Variants in MAN1C1 observed in about 807,000 individuals in gnomAD.
MAN1C1 encodes the protein mannosyl-oligosaccharide 1,2-alpha-mannosidase IC.
In MAN1C1, 49 loss-of-function variants were observed where a neutral mutation model predicts 71.5. That is an observed-to-expected ratio of 0.69 (90% CI 0.54 to 0.87). The LOEUF (loss-of-function observed/expected upper bound fraction) is 0.87. Ranked by LOEUF, MAN1C1 falls within the 40% of genes least tolerant of loss-of-function variation. The probability of loss-of-function intolerance (pLI) is 0.00; values close to 1 mark genes in which losing one functional copy is unlikely to be tolerated. For synonymous variants in MAN1C1, 352 were observed against 343.7 expected (o/e 1.02, Z -0.27); for missense variants, 743 against 835.0 (o/e 0.89, Z 1.36).
At chr1:25,669,696 C>T (rs2045969485) in intron 1 of MAN1C1, among the ~76,000 whole-genome samples, 1 of 152,180 alleles carries the variant, frequency 6.6e-6, no homozygotes, top group Non-Finnish European at 1.5e-5. Context: ...GAGAGGATCA[C>T]TTAAGCCTAG....
At chr1:25,639,429 A>G (rs75736662) in intron 1 of MAN1C1, among the ~76,000 whole-genome samples, 1,618 of 152,226 alleles carry the variant, frequency 0.011, 17 homozygotes, top group Non-Finnish European at 0.017. Context: ...TATGCTACAC[A>G]TTGTGGATGC....
At chr1:25,709,712 GA>G (rs1400444532) in intron 2 of MAN1C1, 2 of 151,706 alleles carry the variant, frequency 1.3e-5, no homozygotes, top group African/African-American at 4.9e-5. Context: ...CTAGCAGAAG[GA>G]AACTCTATCT....
chr1:25,701,520 G>A (rs913588163), intron 2 of MAN1C1, among the ~76,000 whole-genome samples: 5 of 152,188 alleles, frequency 3.3e-5, no homozygotes, highest in Admixed American at 2.6e-4. Flanking sequence ...TGCCTCCAAC[G>A]CCCACATTCC....
intron 8 of MAN1C1, among the ~76,000 whole-genome samples, chr1:25,774,554 G>A (rs1460852054): frequency 6.6e-6 from 1 of 152,152 alleles, no homozygotes; most frequent in Non-Finnish European, 1.5e-5. Flanking sequence ...TCCTGCAGGC[G>A]GCAAAGGAAG....
intron 1 of MAN1C1, 33 bp downstream of exon 1, chr1:25,618,370 A>G (rs1332652263): frequency 5.1e-6 from 8 of 1,570,164 alleles, no homozygotes; most frequent in African/African-American, 2.8e-5. Flanking sequence ...CCTCCCACCA[A>G]CTGCCCCCTC....
rs74873223 is a variant in MAN1C1, at chr1:25,736,939, C to T, written c.638-9729C>T. 7.4e-4 allele frequency among the ~76,000 whole-genome samples: 112 copies of T among 152,332 alleles called. No homozygotes were observed. The East Asian group carries it at 0.019, about 26-fold the overall frequency. On this transcript the variant is annotated intron_variant, in intron 2 of 11. Coordinates refer to ENST00000374332, the MANE Select transcript of MAN1C1 (RefSeq NM_020379.4). Reference sequence around the variant, plus strand: ...CGGGTCTGTTTGGCTTCAAAGCCCACGCTGTCTTCCCTATCCAGGCCTCGC... The same window carrying T: ...CGGGTCTGTTTGGCTTCAAAGCCCATGCTGTCTTCCCTATCCAGGCCTCGC...
At chr1:25,627,649 T>C (rs1265557032) in intron 1 of MAN1C1, among the ~76,000 whole-genome samples, 5 of 152,180 alleles carry the variant, frequency 3.3e-5, no homozygotes, top group Non-Finnish European at 5.9e-5. Flanking sequence ...CCTCCATCTT[T>C]GATCTTCTTT....
chr1:25,749,310 C>T lies in MAN1C1; in HGVS notation c.809C>T (p.Ser270Leu), dbSNP rs1391357109. 2 of 1,612,086 alleles carry T rather than the reference C, an allele frequency of 1.2e-6. No homozygotes were observed. Among genetic ancestry groups the T allele is most frequent in the African/African-American group, 2.7e-5 (2 of 74,940 alleles). Residue 270 changes from serine to leucine, a missense_variant, in exon 4 of 12, where the codon TCA becomes TTA. Coordinates refer to ENST00000374332, the MANE Select transcript of MAN1C1 (RefSeq NM_020379.4). The part of the protein sequence containing the change: ...VNIRYIGGLL[S>L]AFYLTGEEVF... ...ATCCGCTACATCGGGGGACTCCTCT[C>T]AGCCTTCTACCTGACAGGAGAAGAG... is the stretch of plus-strand genomic sequence containing the variant.
intron 8 of MAN1C1, among the ~76,000 whole-genome samples, chr1:25,777,429 G>A (rs762137814): frequency 1.3e-5 from 2 of 152,134 alleles, no homozygotes; most frequent in Non-Finnish European, 2.9e-5. Flanking sequence ...CCCACCAAAA[G>A]GCATGGCCAT....
intron 1 of MAN1C1, among the ~76,000 whole-genome samples, chr1:25,630,275 A>G (rs777779438): frequency 9.9e-5 from 15 of 152,162 alleles, no homozygotes; most frequent in Non-Finnish European, 2.2e-4. Flanking sequence ...CTTTTATATC[A>G]GTACCATTCT....
chr1:25,668,491 G>C (rs533956032), intron 1 of MAN1C1, among the ~76,000 whole-genome samples: 1 of 152,068 alleles, frequency 6.6e-6, no homozygotes, highest in Non-Finnish European at 1.5e-5. Context: ...GAAAAGAACG[G>C]TTAACATGCA....
intron 1 of MAN1C1, among the ~76,000 whole-genome samples, chr1:25,628,364 A>G (rs1459804260): frequency 1.3e-5 from 2 of 151,932 alleles, no homozygotes; most frequent in Non-Finnish European, 2.9e-5. Context: ...CTGGAGTTCA[A>G]TGGCGTGATC....
At chr1:25,707,932 C>T (rs1254252868) in intron 2 of MAN1C1, among the ~76,000 whole-genome samples, 5 of 152,140 alleles carry the variant, frequency 3.3e-5, no homozygotes, top group Non-Finnish European at 7.3e-5. Context: ...GGATGGACCC[C>T]CAGGATGGAC....
intron 2 of MAN1C1, among the ~76,000 whole-genome samples, chr1:25,721,472 ATAGTT>A (rs1260867711): frequency 4.6e-5 from 7 of 152,316 alleles, no homozygotes; most frequent in Non-Finnish European, 1.0e-4. Context: ...ACAATATTTT[ATAGTT>A]TAGAGTATAC....
chr1:25,665,513 A>G (rs1308421527), intron 1 of MAN1C1, among the ~76,000 whole-genome samples: 1 of 152,220 alleles, frequency 6.6e-6, no homozygotes, highest in Non-Finnish European at 1.5e-5. Flanking sequence ...GCATTCTGCC[A>G]TCATCTTTGG....
chr1:25,686,504 T>C lies in MAN1C1; in HGVS notation c.605T>C (p.Leu202Pro). ...YAMGKNELRP[L>P]TKDGYEGNMF... Reference sequence around the variant, plus strand: ...ATGGGGAAAAACGAACTCCGTCCACTAACAAAAGATGGCTACGAGGGTAAC... The same window carrying C: ...ATGGGGAAAAACGAACTCCGTCCACCAACAAAAGATGGCTACGAGGGTAAC... The change falls in exon 2 of 12, where the codon CTA (leucine) becomes CCA (proline). Residue 202 changes from leucine (L) to proline (P), a missense_variant. By Grantham distance (98) the Leu-to-Pro change is moderately conservative. Coordinates refer to ENST00000374332, the MANE Select transcript of MAN1C1 (RefSeq NM_020379.4). 6.2e-7 allele frequency: 1 copy of C among 1,614,204 alleles called. No homozygotes were observed. Among genetic ancestry groups the C allele is most frequent in the East Asian group, 2.2e-5 (1 of 44,880 alleles).
Position 25,719,051 on chromosome 1 carries a change from C to CTTATTATTA in MAN1C1, c.638-27587_638-27579dup, listed in dbSNP as rs34993782. On this transcript the variant is annotated intron_variant, in intron 2 of 11. Coordinates refer to ENST00000374332, the MANE Select transcript of MAN1C1 (RefSeq NM_020379.4). Reference sequence around the variant, plus strand: ...CCATTTTCTCTATATCTTTCCAATGCTTATTATTATTATTATTATTATTAT... The same window carrying CTTATTATTA: ...CCATTTTCTCTATATCTTTCCAATGCTTATTATTATTATTATTATTATTATTATTATTAT... Among the ~76,000 whole-genome samples, 163 of 143,886 alleles carry CTTATTATTA rather than the reference C, an allele frequency of 1.1e-3. 1 individual carries two copies. The highest frequency in any genetic ancestry group is 4.8e-3 in the East Asian group (24 of 4,980). 94.4% of individuals were successfully genotyped at this position (143,886 alleles called of 152,430 possible).
intron 1 of MAN1C1, among the ~76,000 whole-genome samples, chr1:25,647,641 C>T (rs1353690841): frequency 6.6e-6 from 1 of 152,138 alleles, no homozygotes. Flanking sequence ...TGGCCAGGAC[C>T]CAGTCCCTTG....
chr1:25,730,997 TC>T lies in MAN1C1; in HGVS notation c.638-15666del, dbSNP rs1172330809. 6.6e-6 allele frequency among the ~76,000 whole-genome samples: 1 copy of T among 152,010 alleles called. No homozygotes were observed. The highest frequency in any genetic ancestry group is 2.4e-5 in the African/African-American group (1 of 41,358). ...CATGGTTTGACCACAAGCCTGTGCT[TC>T]CCCCACAATCGCTGCTGCTTTAAAA... On this transcript the variant is annotated intron_variant, in intron 2 of 11. Coordinates refer to ENST00000374332, the MANE Select transcript of MAN1C1 (RefSeq NM_020379.4). This position sits in a 1 kb window ranked among gnomAD's most constrained non-coding sequence, Gnocchi z 4.3.
Sources: allele counts gnomAD v4.1 joint callset (sites outside exome capture counted in the v4.1 genomes callset), GRCh38; gene constraint gnomAD v4.1.1; non-coding constraint Gnocchi (gnomAD v3.1); transcripts MANE v1.5; gene names NCBI Gene and HGNC (gene_info 2026-07-23, HGNC 2026-07-21).